The following ACY3 variants were observed in gnomAD, a reference collection of about 807,000 sequenced individuals.
The protein encoded by ACY3 is aminoacylase 3.
ACY3 carries 20 observed loss-of-function variants against 24.6 expected under a neutral mutation model. That is an observed-to-expected ratio of 0.81 (90% CI 0.57 to 1.18). The LOEUF is 1.18. ACY3 is among the 50% of genes most tolerant of loss of function. ACY3 has a pLI of 0.00. For synonymous variants in ACY3, 174 were observed against 188.4 expected, an observed-to-expected ratio of 0.92 and a Z score of 0.62; for missense variants, 423 against 426.8, an observed-to-expected ratio of 0.99 and a Z score of 0.08.
At position 67,647,184 on chromosome 11, in the gene ACY3, G is replaced by A. The variant is rs1382204131; in HGVS notation, c.-20-121C>T. On this transcript the variant is annotated intron_variant, in intron 2 of 7. Transcript: ENST00000255082. ...TGTCAAGAGGTGTGGACAGCTGGGA[G>A]TGTCTCAGCTGTGTCCCACCTGCAC... The A allele has an allele frequency of 8.8e-6, 6 of 678,772 alleles. No individual in the cohort carries two copies. The East Asian group carries it at 1.7e-4, about 20-fold the overall frequency. The allele number at this position is 678,772 out of a possible 1,614,324, so 42.0% of individuals were successfully genotyped here.
chr11:67,645,848 T>C lies in ACY3; in HGVS notation c.276A>G (p.Arg92=). The change falls in exon 4 of 8, where the codon AGA becomes AGG. Residue 92 remains arginine (R), a synonymous_variant. Coordinates refer to ENST00000255082, the MANE Select transcript of ACY3 (RefSeq NM_080658.2). ...CCAGCAGCTGGTTCAGCTCTCGGGC[T>C]CTTGTCACCTCATATGGGTCGTCCG... ...PTPDDPYEVT[R]ARELNQLLGP... 6.2e-7 allele frequency: 1 copy of C among 1,612,830 alleles called. No individual in the cohort carries two copies. The highest frequency in any genetic ancestry group is 1.1e-5 in the South Asian group (1 of 91,012).
chr11:67,648,318 G>A (rs373086207), intron 1 of ACY3, among the ~76,000 whole-genome samples: 6 of 151,956 alleles, frequency 3.9e-5, no homozygotes, highest in African/African-American at 1.4e-4. Context: ...TGCAGGTGGC[G>A]CACAGAGCCC....
Position 67,645,839 on chromosome 11 carries a change from C to T in ACY3, c.285G>A (p.Glu95=). ...DDPYEVTRAR[E]LNQLLGPKAS... ...CCTTGGGCCCCAGCAGCTGGTTCAG[C>T]TCTCGGGCTCTTGTCACCTCATATG... The change falls in exon 4 of 8, where the codon GAG becomes GAA. Residue 95 remains glutamate, a synonymous_variant. Transcript: ENST00000255082. The T allele has an allele frequency of 7.4e-6, 12 of 1,613,344 alleles. No individual in the cohort carries two copies. Among genetic ancestry groups the T allele is most frequent in the Non-Finnish European group, 1.0e-5 (12 of 1,179,618 alleles).
chr11:67,645,488 G>A lies in ACY3; in HGVS notation c.433-108C>T. 3 of 1,321,022 alleles carry A rather than the reference G, an allele frequency of 2.3e-6. No individual in the cohort carries two copies. In the South Asian group the frequency reaches 4.1e-5, roughly 18 times the overall value. 81.8% of individuals were successfully genotyped at this position (1,321,022 alleles called of 1,614,324 possible). ...ACAGGGCACCACCCTCCTTGGCCAG[G>A]TCTCCCTCTACCCTCTGGCAGGGTA... On this transcript the variant is annotated intron_variant, in intron 4 of 7. Transcript: ENST00000255082.
chr11:67,645,621 A>C lies in ACY3; in HGVS notation c.432+71T>G, dbSNP rs1698175606. The C allele has an allele frequency of 2.6e-6, 4 of 1,510,872 alleles. No homozygotes were observed. In the South Asian group the frequency reaches 5.2e-5, roughly 20 times the overall value. 93.6% of individuals were successfully genotyped at this position (1,510,872 alleles called of 1,614,324 possible). On this transcript the variant is annotated intron_variant, in intron 4 of 7. Transcript: ENST00000255082. The stretch of plus-strand genomic sequence containing the variant: ...AGAGGGGCTAAGCAAAGGAGGTTCC[A>C]GCATTGTCCCGCCTGCCCTCCCTCC...
chr11:67,645,655 C>A (rs773278784), intron 4 of ACY3, 37 bp downstream of exon 4: 2 of 1,555,260 alleles, frequency 1.3e-6, no homozygotes, highest in South Asian at 2.4e-5. Context: ...CCCTCCCACT[C>A]CCCTCTGGGG....
chr11:67,642,893 A>G lies in ACY3; in HGVS notation c.791T>C (p.Met264Thr). 6.2e-7 allele frequency: 1 copy of G among 1,613,996 alleles called. No individual in the cohort carries two copies. Among genetic ancestry groups the G allele is most frequent in the Non-Finnish European group, 8.5e-7 (1 of 1,180,014 alleles). ...PLQPGAPIFQ[M>T]FSGEDLLYEG... ...ATAGAGCAGGTCCTCCCCACTGAACATCTGGAAGATGGGAGCACCAGGCTG... is the reference window on the plus strand; with the variant it reads ...ATAGAGCAGGTCCTCCCCACTGAACGTCTGGAAGATGGGAGCACCAGGCTG... Residue 264 changes from methionine (M) to threonine (T), a missense_variant, in exon 8 of 8, where the codon ATG (methionine) becomes ACG (threonine). Physicochemically the swap from Met to Thr is moderately conservative, Grantham distance 81 (BLOSUM62 -1). Transcript: ENST00000255082.
At chr11:67,644,654 C>A (rs910846892) in intron 7 of ACY3, 106 bp downstream of exon 7, 1 of 1,105,054 alleles carries the variant, frequency 9.0e-7, no homozygotes, top group African/African-American at 1.5e-5. Context: ...TCGTGGGAGG[C>A]TTGGCTGCAC....
chr11:67,648,674 G>A (rs1157119199), intron 1 of ACY3, among the ~76,000 whole-genome samples: 1 of 152,156 alleles, frequency 6.6e-6, no homozygotes, highest in African/African-American at 2.4e-5. Flanking sequence ...CCAGCCTGGG[G>A]GGCTCTGGGT....
At chr11:67,646,669 C>T (rs948617858) in intron 3 of ACY3, 139 bp downstream of exon 3, 33 of 864,846 alleles carry the variant, frequency 3.8e-5, no homozygotes, top group Admixed American at 2.8e-4. Flanking sequence ...TCGGTTTGTC[C>T]CGTGGAGGAA....
chr11:67,645,860 A>T lies in ACY3; in HGVS notation c.264T>A (p.Tyr88Ter). ...LNSRPTPDDP[Y>*]EVTRARELNQ... ...TCAGCTCTCGGGCTCTTGTCACCTCATATGGGTCGTCCGGGGTGGGCCTGG... is the reference window on the plus strand; with the variant it reads ...TCAGCTCTCGGGCTCTTGTCACCTCTTATGGGTCGTCCGGGGTGGGCCTGG... Residue 88 changes from tyrosine to a stop codon, truncating the protein, a stop_gained, in exon 4 of 8, where the codon TAT becomes TAA. Coordinates refer to ENST00000255082, the MANE Select transcript of ACY3 (RefSeq NM_080658.2). LOFTEE classifies it high-confidence loss of function. The T allele has an allele frequency of 6.2e-7, 1 of 1,610,102 alleles. No individual in the cohort carries two copies. The highest frequency in any genetic ancestry group is 8.5e-7 in the Non-Finnish European group (1 of 1,178,062).
chr11:67,643,881 G>A (rs1855455340), intron 7 of ACY3, among the ~76,000 whole-genome samples: 1 of 151,902 alleles, frequency 6.6e-6, no homozygotes, highest in South Asian at 2.1e-4. Flanking sequence ...TATAATCCCA[G>A]CTACTGGGGA....
Position 67,645,293 on chromosome 11 carries a change from C to A in ACY3, c.520G>T (p.Gly174Ter). ...TCAGAAGGCTGCGGCCCACCCAGTC[C>A]ATTTTTGGCCACAGAGTCCAGGTTG... ...SYNLDSVAKN[G>*]LGLELGPQPQ... The change falls in exon 5 of 8, where the codon GGA becomes TGA. Residue 174 changes from glycine to a stop codon, truncating the protein, a stop_gained. Transcript: ENST00000255082. LOFTEE classifies it high-confidence loss of function. 1.9e-6 allele frequency: 3 copies of A among 1,613,690 alleles called. No individual in the cohort carries two copies. The highest frequency in any genetic ancestry group is 1.7e-6 in the Non-Finnish European group (2 of 1,179,998).
Position 67,642,602 on chromosome 11 carries a change from G to T in ACY3, c.*122C>A. The T allele has an allele frequency of 1.0e-6, 1 of 997,888 alleles. No individual in the cohort carries two copies. Among genetic ancestry groups the T allele is most frequent in the South Asian group, 1.4e-5 (1 of 72,794 alleles). 61.8% of individuals were successfully genotyped at this position (997,888 alleles called of 1,614,324 possible). ...GAAAGGGAAATTGAGGCCAGGGGTT[G>T]GGGAGGCCTGGCAAGGAACATGGTG... is the stretch of plus-strand genomic sequence containing the variant. On this transcript the variant is annotated 3_prime_UTR_variant, in exon 8 of 8. Coordinates refer to ENST00000255082, the MANE Select transcript of ACY3 (RefSeq NM_080658.2).
At position 67,647,007 on chromosome 11, in the gene ACY3, G is replaced by C; in HGVS notation, c.37C>G (p.Arg13Gly). The change falls in exon 3 of 8, where the codon CGC (arginine) becomes GGC (glycine). Residue 13 changes from arginine to glycine, a missense_variant. Physicochemically the swap from Arg to Gly is moderately radical, Grantham distance 125. Transcript: ENST00000255082. ...SLPVPREPLR[R>G]VAVTGGTHGN... ...TGCGTGCCCCCAGTCACAGCCACGC[G>C]ACGCAGGGGCTCCCGGGGCACAGGC... 1.3e-6 allele frequency: 2 copies of C among 1,553,862 alleles called. No individual in the cohort carries two copies. The highest frequency in any genetic ancestry group is 1.7e-6 in the Non-Finnish European group (2 of 1,147,694).
rs1237837766 is a variant in ACY3 at position 67,648,012 on chromosome 11, C to T, written c.-94-423G>A. The stretch of plus-strand genomic sequence containing the variant: ...AGCCCGGAGAGGGCTGTGGTCACTC[C>T]TGAGTCGCCCTTACCCAAAGGTGCC... On this transcript the variant is annotated intron_variant, in intron 1 of 7. Transcript: ENST00000255082. Among the ~76,000 whole-genome samples, 3 of 152,340 alleles carry T rather than the reference C, an allele frequency of 2.0e-5. No individual in the cohort carries two copies. In the East Asian group the frequency reaches 5.8e-4, roughly 29 times the overall value.
intron 7 of ACY3, among the ~76,000 whole-genome samples, chr11:67,643,738 T>C (rs778355716): frequency 6.6e-6 from 1 of 151,716 alleles, no homozygotes; most frequent in Non-Finnish European, 1.5e-5. Context: ...CAGTGGCCTG[T>C]AATCTCAGCA....
At chr11:67,644,667 C>T (rs967827864) in intron 7 of ACY3, 93 bp downstream of exon 7, 2 of 1,263,898 alleles carry the variant, frequency 1.6e-6, no homozygotes, top group African/African-American at 1.5e-5. Context: ...GGCTGCACCC[C>T]CTGGGGCTCA....
chr11:67,648,528 C>T (rs1426352499), intron 1 of ACY3, among the ~76,000 whole-genome samples: 2 of 152,166 alleles, frequency 1.3e-5, no homozygotes, highest in Non-Finnish European at 2.9e-5. Flanking sequence ...AGGCAAGCTG[C>T]TCCGCCAGGG....
Sources: allele counts gnomAD v4.1 joint callset (sites outside exome capture counted in the v4.1 genomes callset), GRCh38; gene constraint gnomAD v4.1.1; transcripts MANE v1.5; gene names NCBI Gene and HGNC (gene_info 2026-07-23, HGNC 2026-07-21).